Variants in GALNTL6 observed in about 807,000 individuals in gnomAD.
The protein encoded by GALNTL6 is polypeptide N-acetylgalactosaminyltransferase-like 6.
A neutral mutation model predicts 73.7 loss-of-function variants in GALNTL6; 46 were observed. That is an observed-to-expected ratio of 0.62 (90% CI 0.49 to 0.80). The LOEUF is 0.80. Ranked by LOEUF, GALNTL6 falls within the 30% of genes least tolerant of loss-of-function variation. GALNTL6 has a pLI of 0.00. For synonymous variants in GALNTL6, 259 were observed against 263.7 expected, an observed-to-expected ratio of 0.98 and a Z score of 0.17; for missense variants, 604 against 755.0, an observed-to-expected ratio of 0.80 and a Z score of 2.34.
chr4:172,407,360 G>A (rs1744274243), intron 5 of GALNTL6, among the ~76,000 whole-genome samples: 1 of 152,050 alleles, frequency 6.6e-6, no homozygotes, highest in Non-Finnish European at 1.5e-5. Context: ...CAGCAATGAA[G>A]TAAGCTGAAC....
rs549544311 is a variant in GALNTL6 at position 172,524,966 on chromosome 4, A to G, written c.553+176277A>G. ...TAGCTGTCATTGACTTTCAAGTATG[A>G]TATGAGGTAGGAATCAAGTGCTATA... On this transcript the variant is annotated intron_variant, in intron 5 of 12. Coordinates refer to ENST00000506823, the MANE Select transcript of GALNTL6 (RefSeq NM_001034845.3). Among the ~76,000 whole-genome samples, 29 of 152,320 alleles carry G rather than the reference A, an allele frequency of 1.9e-4. No individual in the cohort carries two copies. The East Asian group carries it at 5.4e-3, about 28-fold the overall frequency.
chr4:172,080,614 A>G (rs534220922), intron 2 of GALNTL6, among the ~76,000 whole-genome samples: 246 of 151,956 alleles, frequency 1.6e-3, no homozygotes, highest in African/African-American at 5.8e-3. Context: ...GTGTATACAA[A>G]ATATTTAAAT....
At chr4:172,745,861 A>G (rs536451303) in intron 5 of GALNTL6, among the ~76,000 whole-genome samples, 20 of 152,180 alleles carry the variant, frequency 1.3e-4, no homozygotes, top group African/African-American at 4.8e-4. Flanking sequence ...TGGATGTCTG[A>G]GGGATTTCAA....
intron 8 of GALNTL6, among the ~76,000 whole-genome samples, chr4:172,903,780 G>A (rs921531860): frequency 2.0e-5 from 3 of 152,126 alleles, no homozygotes; most frequent in African/African-American, 7.2e-5. Context: ...GAATCCTTTC[G>A]GGGGTTTGTT....
At chr4:172,407,184 C>A (rs769262135) in intron 5 of GALNTL6, among the ~76,000 whole-genome samples, 1 of 152,026 alleles carries the variant, frequency 6.6e-6, no homozygotes, top group Non-Finnish European at 1.5e-5. Flanking sequence ...TGCTTCAAAT[C>A]AATCTTTTAA....
chr4:172,096,084 CTG>C (rs138495979), intron 2 of GALNTL6, among the ~76,000 whole-genome samples: 32 of 147,182 alleles, frequency 2.2e-4, no homozygotes, highest in African/African-American at 7.5e-4. Flanking sequence ...CTCTCTCTTT[CTG>C]TGTGTGTGTG....
intron 5 of GALNTL6, among the ~76,000 whole-genome samples, chr4:172,489,635 A>T (rs1251121128): frequency 3.9e-5 from 6 of 152,216 alleles, no homozygotes; most frequent in Admixed American, 2.6e-4. Flanking sequence ...ATTGTCATAG[A>T]ATTCCTGGCA....
chr4:172,782,041 G>A (rs906706213), intron 5 of GALNTL6, among the ~76,000 whole-genome samples: 1 of 151,968 alleles, frequency 6.6e-6, no homozygotes, highest in African/African-American at 2.4e-5. Context: ...ATAGGTCTCA[G>A]CACCTAATAT....
intron 5 of GALNTL6, among the ~76,000 whole-genome samples, chr4:172,709,613 C>T (rs1440526552): frequency 6.6e-6 from 1 of 152,102 alleles, no homozygotes; most frequent in African/African-American, 2.4e-5. Context: ...GCAACCAGGG[C>T]CCTCAACCCA....
At chr4:171,857,858 A>G (rs1003346353) in intron 2 of GALNTL6, among the ~76,000 whole-genome samples, 3 of 152,178 alleles carry the variant, frequency 2.0e-5, no homozygotes, top group African/African-American at 7.2e-5. Context: ...GGGAATAAGG[A>G]CATGGGAAAC....
At chr4:172,448,593 A>G (rs1376121429) in intron 5 of GALNTL6, among the ~76,000 whole-genome samples, 1 of 152,212 alleles carries the variant, frequency 6.6e-6, no homozygotes, top group Non-Finnish European at 1.5e-5. Context: ...CACACAGTCT[A>G]CTGTCCCCTC....
chr4:172,666,270 G>A (rs1181088276), intron 5 of GALNTL6, among the ~76,000 whole-genome samples: 6 of 152,032 alleles, frequency 3.9e-5, no homozygotes, highest in Non-Finnish European at 7.4e-5. Context: ...GAATCTTTGC[G>A]TGTCCAAATA....
chr4:172,932,178 C>T (rs1326104356), intron 9 of GALNTL6, among the ~76,000 whole-genome samples: 2 of 152,200 alleles, frequency 1.3e-5, no homozygotes, highest in South Asian at 2.1e-4. Flanking sequence ...AATAAATAAA[C>T]GAATTCACCA....
At chr4:172,715,340 A>C (rs1735006418) in intron 5 of GALNTL6, among the ~76,000 whole-genome samples, 1 of 152,184 alleles carries the variant, frequency 6.6e-6, no homozygotes, top group Non-Finnish European at 1.5e-5. Flanking sequence ...GCTTAGAAGA[A>C]CCAATGTTGT....
At chr4:172,876,283 T>G (rs1041415484) in intron 7 of GALNTL6, among the ~76,000 whole-genome samples, 2 of 152,274 alleles carry the variant, frequency 1.3e-5, no homozygotes, top group Admixed American at 1.3e-4. Flanking sequence ...AGCACAAAAT[T>G]TGTACCATGA....
chr4:172,835,704 A>G (rs1345872605), intron 7 of GALNTL6, among the ~76,000 whole-genome samples: 1 of 152,184 alleles, frequency 6.6e-6, no homozygotes, highest in Non-Finnish European at 1.5e-5. Flanking sequence ...TTGGTCAGGA[A>G]GTGAATACCA....
intron 2 of GALNTL6, among the ~76,000 whole-genome samples, chr4:172,091,634 T>G (rs1732204874): frequency 1.3e-5 from 2 of 152,194 alleles, no homozygotes; most frequent in African/African-American, 4.8e-5. Flanking sequence ...ACCAGTGTTT[T>G]CAATTATGTC....
At chr4:172,005,178 G>A (rs1046149156) in intron 2 of GALNTL6, among the ~76,000 whole-genome samples, 1 of 151,934 alleles carries the variant, frequency 6.6e-6, no homozygotes, top group Admixed American at 6.6e-5. Flanking sequence ...AGGCTGGAGT[G>A]CAATGGCGCG....
intron 2 of GALNTL6, among the ~76,000 whole-genome samples, chr4:172,029,566 T>C (rs1421020174): frequency 6.6e-6 from 1 of 152,052 alleles, no homozygotes; most frequent in African/African-American, 2.4e-5. Flanking sequence ...CTTAGGCCAA[T>C]TGTTTCTGGA....
Sources: gnomAD v4.1 joint callset for allele counts (sites outside exome capture counted in the v4.1 genomes callset) on GRCh38, gnomAD v4.1.1 for gene constraint, MANE v1.5 for transcripts, NCBI Gene and HGNC (gene_info 2026-07-23, HGNC 2026-07-21) for gene names.